PLD5: variants seen among roughly 807,000 people sequenced by gnomAD.
The protein encoded by PLD5 is inactive phospholipase D5.
In PLD5, 36 loss-of-function variants were observed where a neutral mutation model predicts 61.1. The observed-to-expected ratio is 0.59, with a 90% confidence interval of 0.45 to 0.78. The LOEUF (loss-of-function observed/expected upper bound fraction) is 0.78. PLD5 is among the 30% of genes least tolerant of loss of function. The pLI is 0.00. For missense variants in PLD5, 515 were observed against 644.4 expected, an observed-to-expected ratio of 0.80 and a Z score of 2.17; for synonymous variants, 243 against 242.8, an observed-to-expected ratio of 1.00 and a Z score of -0.01.
At chr1:242,511,305 C>T (rs1668900105) in intron 1 of PLD5, among the ~76,000 whole-genome samples, 1 of 152,242 alleles carries the variant, frequency 6.6e-6, no homozygotes, top group Non-Finnish European at 1.5e-5. Flanking sequence ...ATCTTCCTTA[C>T]AAAAAATTAC....
intron 9 of PLD5, among the ~76,000 whole-genome samples, chr1:242,093,995 G>A (rs1424014848): frequency 1.3e-5 from 2 of 151,974 alleles, no homozygotes; most frequent in Non-Finnish European, 2.9e-5. Flanking sequence ...CTTTCCACAG[G>A]CCGATAAAGG....
intron 3 of PLD5, among the ~76,000 whole-genome samples, chr1:242,286,206 C>T (rs903372945): frequency 8.5e-5 from 13 of 152,066 alleles, no homozygotes; most frequent in African/African-American, 3.1e-4. Context: ...TGCATGTTTC[C>T]AAATCAAGAG....
chr1:242,272,901 T>C (rs1326378244), intron 3 of PLD5, among the ~76,000 whole-genome samples: 2 of 151,946 alleles, frequency 1.3e-5, no homozygotes, highest in African/African-American at 4.8e-5. Context: ...CACAAGATTT[T>C]TTGTTTGTTT....
At chr1:242,338,438 GC>G (rs1659651461) in intron 2 of PLD5, among the ~76,000 whole-genome samples, 1 of 151,792 alleles carries the variant, frequency 6.6e-6, no homozygotes, top group South Asian at 2.1e-4. Flanking sequence ...ATATGATTGT[GC>G]CCATAAGGGT....
chr1:242,112,313 G>GTA (rs1661575743), intron 7 of PLD5, among the ~76,000 whole-genome samples: 2 of 107,856 alleles, frequency 1.9e-5, no homozygotes, highest in Admixed American at 2.1e-4. Flanking sequence ...GTGTGTGTGT[G>GTA]TGTGTGTGTG....
chr1:242,436,470 A>C (rs1380776540), intron 1 of PLD5, among the ~76,000 whole-genome samples: 2 of 152,016 alleles, frequency 1.3e-5, no homozygotes, highest in Admixed American at 6.5e-5. Flanking sequence ...AATTGTTCTT[A>C]GAATTCACCT....
At chr1:242,368,672 T>C (rs560280274) in intron 1 of PLD5, among the ~76,000 whole-genome samples, 176 of 152,330 alleles carry the variant, frequency 1.2e-3, no homozygotes, top group African/African-American at 4.0e-3. Flanking sequence ...CTTCTCCATG[T>C]TGCCCATTTC....
At chr1:242,345,188 C>CG (rs1226907938) in intron 2 of PLD5, among the ~76,000 whole-genome samples, 1 of 152,156 alleles carries the variant, frequency 6.6e-6, no homozygotes, top group Non-Finnish European at 1.5e-5. Flanking sequence ...TTGCCACAAT[C>CG]GTCTCATGAC....
chr1:242,275,504 G>A (rs1291211967), intron 3 of PLD5, among the ~76,000 whole-genome samples: 1 of 152,044 alleles, frequency 6.6e-6, no homozygotes, highest in African/African-American at 2.4e-5. Flanking sequence ...AAATGACCTT[G>A]GATAAAGAGA....
At chr1:242,365,273 T>G (rs1239413699) in intron 1 of PLD5, 5 of 152,870 alleles carry the variant, frequency 3.3e-5, no homozygotes, top group African/African-American at 1.2e-4. Context: ...GCCCCAAGTT[T>G]TTGGAGACTG....
chr1:242,376,287 G>C (rs532949143), intron 1 of PLD5, among the ~76,000 whole-genome samples: 10 of 152,176 alleles, frequency 6.6e-5, no homozygotes, highest in Admixed American at 3.9e-4. Flanking sequence ...GCTGGGAAAC[G>C]AGCAACCTGC....
At chr1:242,343,513 C>T (rs564639027) in intron 2 of PLD5, among the ~76,000 whole-genome samples, 3 of 151,188 alleles carry the variant, frequency 2.0e-5, no homozygotes, top group Non-Finnish European at 3.0e-5. Context: ...CTGGCATGCT[C>T]GAGCTTCTGC....
intron 1 of PLD5, among the ~76,000 whole-genome samples, chr1:242,463,963 C>G (rs1222703100): frequency 6.6e-6 from 1 of 152,102 alleles, no homozygotes; most frequent in Non-Finnish European, 1.5e-5. Context: ...TCAGTTATAC[C>G]GAGTACCTCC....
At chr1:242,110,202 C>A (rs1661377996) in intron 7 of PLD5, among the ~76,000 whole-genome samples, 1 of 151,568 alleles carries the variant, frequency 6.6e-6, no homozygotes, top group South Asian at 2.1e-4. Flanking sequence ...CTGAACTGGC[C>A]CAGAATTAGG....
chr1:242,163,892 C>CTAAAGAGAGAGTTATAAA (rs1457575468), intron 5 of PLD5, among the ~76,000 whole-genome samples: 2 of 149,094 alleles, frequency 1.3e-5, no homozygotes, highest in East Asian at 3.9e-4. Flanking sequence ...TTTGGGTCTC[C>CTAAAGAGAGAGTTATAAA]TAAAGAGAGA....
chr1:242,386,640 A>G (rs1662617054), intron 1 of PLD5, among the ~76,000 whole-genome samples: 1 of 152,202 alleles, frequency 6.6e-6, no homozygotes, highest in Non-Finnish European at 1.5e-5. Flanking sequence ...TCAACACCAT[A>G]AAAATAAGTG....
chr1:242,200,782 A>T (rs553168428), intron 5 of PLD5, among the ~76,000 whole-genome samples: 2 of 152,356 alleles, frequency 1.3e-5, no homozygotes, highest in South Asian at 2.1e-4. Context: ...CCTGTCCTGC[A>T]TCTCACGCAG....
At chr1:242,318,794 AC>A (rs1039105642) in intron 2 of PLD5, among the ~76,000 whole-genome samples, 2 of 152,012 alleles carry the variant, frequency 1.3e-5, no homozygotes, top group Non-Finnish European at 2.9e-5. Context: ...CTAGGCTATA[AC>A]TTTTTTAAAT....
chr1:242,216,996 A>T (rs1670253511), intron 5 of PLD5, among the ~76,000 whole-genome samples: 1 of 152,230 alleles, frequency 6.6e-6, no homozygotes, highest in Non-Finnish European at 1.5e-5. Flanking sequence ...CTGGGATGAT[A>T]GTACTGCTGA....
Sources: allele counts gnomAD v4.1 joint callset (sites outside exome capture counted in the v4.1 genomes callset), GRCh38; gene constraint gnomAD v4.1.1; transcripts MANE v1.5; gene names NCBI Gene and HGNC (gene_info 2026-07-23, HGNC 2026-07-21).